Variants in ARHGAP28 observed in about 807,000 individuals in gnomAD.
ARHGAP28 encodes rho GTPase-activating protein 28.
A neutral mutation model predicts 90.7 loss-of-function variants in ARHGAP28; 56 were observed. That is an observed-to-expected ratio of 0.62 (90% CI 0.50 to 0.77). The LOEUF (loss-of-function observed/expected upper bound fraction) is 0.77, where lower values mean the gene tolerates loss of function less well. Ranked by LOEUF, ARHGAP28 falls within the 30% of genes least tolerant of loss-of-function variation. The probability of loss-of-function intolerance (pLI) is 0.00; values close to 1 mark genes in which losing one functional copy is unlikely to be tolerated. For synonymous variants in ARHGAP28, 308 were observed against 323.3 expected, an observed-to-expected ratio of 0.95 and a Z score of 0.51; for missense variants, 869 against 900.9, an observed-to-expected ratio of 0.96 and a Z score of 0.45.
At chr18:6,815,474 T>G (rs761818576) in intron 1 of ARHGAP28, among the ~76,000 whole-genome samples, 1 of 152,166 alleles carries the variant, frequency 6.6e-6, no homozygotes, top group Non-Finnish European at 1.5e-5. Context: ...TGAGATACAA[T>G]TCATATAACA....
intron 3 of ARHGAP28, among the ~76,000 whole-genome samples, chr18:6,840,333 A>T (rs997309967): frequency 6.6e-6 from 1 of 152,158 alleles, no homozygotes; most frequent in Non-Finnish European, 1.5e-5. Context: ...AGGAAACTGC[A>T]TTTCTAGGCT....
At chr18:6,774,122 T>A (rs2056265007) in intron 1 of ARHGAP28, 1 of 152,210 alleles carries the variant, frequency 6.6e-6, no homozygotes, top group Admixed American at 6.5e-5. Flanking sequence ...GGGTGCTGAA[T>A]GTGGGCTGGG....
Position 6,908,978 on chromosome 18 carries a change from T to C in ARHGAP28, c.2049T>C (p.Cys683=), listed in dbSNP as rs757454982. 26 of 1,544,884 alleles carry C rather than the reference T, an allele frequency of 1.7e-5. No homozygotes were observed. Among genetic ancestry groups the C allele is most frequent in the Non-Finnish European group, 2.3e-5 (26 of 1,121,560 alleles). ...QYENSHGSSE[C]IKIQNQRLYE... ...TTTTCAGTCATGGTTCATCAGAATG[T>C]ATTAAGATTCAGAACCAAAGGTTAT... is the stretch of plus-strand genomic sequence containing the variant. Residue 683 remains cysteine, a synonymous_variant, in exon 17 of 18, where the codon TGT becomes TGC. Transcript: ENST00000383472.
At chr18:6,784,333 A>G (rs2056350110) in intron 1 of ARHGAP28, among the ~76,000 whole-genome samples, 1 of 152,174 alleles carries the variant, frequency 6.6e-6, no homozygotes, top group Admixed American at 6.5e-5. Context: ...AGTGATTTAT[A>G]TCCACCTAGA....
Position 6,792,278 on chromosome 18 carries a change from G to A in ARHGAP28, c.123-32484G>A, listed in dbSNP as rs542088561. 8.5e-4 allele frequency among the ~76,000 whole-genome samples: 129 copies of A among 152,282 alleles called. 2 individuals are homozygous for A. Among genetic ancestry groups the A allele is most frequent in the Middle Eastern group, 6.8e-3 (2 of 294 alleles). On this transcript the variant is annotated intron_variant, in intron 1 of 17. Transcript: ENST00000383472. ...TACAAACGTCAAAACTCATCAGGTC[G>A]TACATTTAATACATGTGCAGTTTAT...
intron 16 of ARHGAP28, among the ~76,000 whole-genome samples, chr18:6,902,772 A>T (rs1183616475): frequency 1.3e-5 from 2 of 152,252 alleles, no homozygotes; most frequent in Non-Finnish European, 2.9e-5. Flanking sequence ...TCCTCAAAAC[A>T]TTACAAATAG....
chr18:6,872,279 T>C (rs2057095959), intron 7 of ARHGAP28, among the ~76,000 whole-genome samples: 1 of 152,198 alleles, frequency 6.6e-6, no homozygotes, highest in South Asian at 2.1e-4. Flanking sequence ...AGTTTTTGTT[T>C]ATATTGTTGT....
intron 1 of ARHGAP28, among the ~76,000 whole-genome samples, chr18:6,799,370 G>A (rs2056465317): frequency 6.6e-6 from 1 of 152,068 alleles, no homozygotes; most frequent in Admixed American, 6.6e-5. Context: ...TTTCTTCACA[G>A]AATTAGGAAA....
intron 12 of ARHGAP28, among the ~76,000 whole-genome samples, chr18:6,888,200 C>T (rs1393989384): frequency 6.6e-6 from 1 of 152,180 alleles, no homozygotes; most frequent in Non-Finnish European, 1.5e-5. Context: ...CCCAATTTTT[C>T]TCTCTTTATT....
intron 1 of ARHGAP28, among the ~76,000 whole-genome samples, chr18:6,802,335 CTTTTTTT>C (rs35950139): frequency 5.7e-5 from 3 of 52,754 alleles, no homozygotes; most frequent in African/African-American, 1.5e-4. Flanking sequence ...TATGGTAGTT[CTTTTTTT>C]TTTTTTTTTT....
chr18:6,865,657 T>C (rs934134461), intron 5 of ARHGAP28, among the ~76,000 whole-genome samples: 13 of 152,182 alleles, frequency 8.5e-5, no homozygotes, highest in Non-Finnish European at 1.3e-4. Flanking sequence ...TTGAAAATGT[T>C]TCGTATGGTC....
intron 1 of ARHGAP28, among the ~76,000 whole-genome samples, chr18:6,781,749 T>C (rs562328474): frequency 2.9e-4 from 44 of 152,346 alleles, no homozygotes; most frequent in African/African-American, 1.0e-3. Context: ...TAATTGCTCA[T>C]AATGATTTTT....
intron 1 of ARHGAP28, among the ~76,000 whole-genome samples, chr18:6,809,935 C>T (rs1227122182): frequency 6.6e-6 from 1 of 152,170 alleles, no homozygotes; most frequent in Non-Finnish European, 1.5e-5. Flanking sequence ...TTAAACTAAT[C>T]ATTGTCACTA....
rs779427893 is a variant in ARHGAP28 at position 6,912,091 on chromosome 18, A to T, written c.2127A>T (p.Ile709=). ...ATTGCTTGGATCCAGATGCTTATATATTGGATGTATATCGTATAAATCCTC... is the reference window on the plus strand; with the variant it reads ...ATTGCTTGGATCCAGATGCTTATATTTTGGATGTATATCGTATAAATCCTC... ...GEHCLDPDAY[I]LDVYRINPQA... is the part of the protein sequence containing the mutation. The change falls in exon 18 of 18, where the codon ATA becomes ATT. Residue 709 remains isoleucine, a synonymous_variant. Coordinates refer to ENST00000383472, the MANE Select transcript of ARHGAP28 (RefSeq NM_001366230.1). The T allele has an allele frequency of 1.9e-6, 3 of 1,608,136 alleles. No individual in the cohort carries two copies. In the Admixed American group the frequency reaches 5.0e-5, roughly 27 times the overall value.
At chr18:6,821,974 G>A (rs903039222) in intron 1 of ARHGAP28, among the ~76,000 whole-genome samples, 1 of 151,730 alleles carries the variant, frequency 6.6e-6, no homozygotes, top group Non-Finnish European at 1.5e-5. Context: ...GGATATATCT[G>A]CTTGTTTGTC....
intron 3 of ARHGAP28, among the ~76,000 whole-genome samples, chr18:6,840,382 A>G (rs2056796938): frequency 6.6e-6 from 1 of 152,182 alleles, no homozygotes; most frequent in Admixed American, 6.5e-5. Context: ...ATTACTAGAG[A>G]ATGCATAACT....
chr18:6,907,002 C>G (rs983044293), intron 16 of ARHGAP28, among the ~76,000 whole-genome samples: 1 of 152,132 alleles, frequency 6.6e-6, no homozygotes, highest in African/African-American at 2.4e-5. Context: ...TAAGGAGATA[C>G]AGATTACTTT....
intron 4 of ARHGAP28, among the ~76,000 whole-genome samples, chr18:6,853,037 C>T (rs1224965336): frequency 1.3e-5 from 2 of 152,140 alleles, no homozygotes; most frequent in Non-Finnish European, 2.9e-5. Flanking sequence ...TAGATCCTGC[C>T]ATATGGTGTC....
intron 1 of ARHGAP28, chr18:6,789,807 A>G (rs2056392850): frequency 6.6e-6 from 1 of 151,054 alleles, no homozygotes; most frequent in African/African-American, 2.5e-5. Context: ...AAAATATCAA[A>G]TTGTTTCTTT....
Sources: allele counts gnomAD v4.1 joint callset (sites outside exome capture counted in the v4.1 genomes callset), GRCh38; gene constraint gnomAD v4.1.1; transcripts MANE v1.5; gene names NCBI Gene and HGNC (gene_info 2026-07-23, HGNC 2026-07-21).